Variants in GIPC2 observed in about 807,000 individuals in gnomAD.
GIPC2 encodes GIPC PDZ domain containing family member 2, also known as PDZ domain-containing protein GIPC2.
In GIPC2, 30 loss-of-function variants were observed where a neutral mutation model predicts 30.6. The observed-to-expected ratio is 0.98, with a 90% CI of 0.73 to 1.33. GIPC2 has a LOEUF of 1.33. Among genes scored for constraint, GIPC2 ranks in the 40% most tolerant of loss-of-function variants. GIPC2 has a pLI of 0.00. For synonymous variants in GIPC2, 167 were observed against 150.0 expected (o/e 1.11, Z -0.83); for missense variants, 414 against 390.3 (o/e 1.06, Z -0.51).
intron 1 of GIPC2, among the ~76,000 whole-genome samples, chr1:78,079,726 C>T (rs1029647150): frequency 6.6e-6 from 1 of 152,162 alleles, no homozygotes; most frequent in African/African-American, 2.4e-5. Context: ...CCGATGATAC[C>T]TTTTCAACCC....
intron 1 of GIPC2, among the ~76,000 whole-genome samples, chr1:78,061,896 C>G (rs1357584841): frequency 6.6e-6 from 1 of 152,220 alleles, no homozygotes; most frequent in African/African-American, 2.4e-5. Context: ...AGATTACAGG[C>G]ATGAGCCACT....
chr1:78,097,897 G>A (rs997989623), intron 3 of GIPC2, among the ~76,000 whole-genome samples: 2 of 152,172 alleles, frequency 1.3e-5, no homozygotes, highest in Non-Finnish European at 2.9e-5. Flanking sequence ...TCCTGGGAGA[G>A]GTGGAGCAAG....
At position 78,136,232 on chromosome 1, in the gene GIPC2, AT is replaced by A. The variant is rs1364296778; in HGVS notation, c.*491del. 1.3e-5 allele frequency: 2 copies of A among 152,010 alleles called. No individual in the cohort carries two copies. The highest frequency in any genetic ancestry group is 2.9e-5 in the Non-Finnish European group (2 of 67,992). 9.4% of individuals were successfully genotyped at this position (152,010 alleles called of 1,614,324 possible). ...TTATGCCCCTTATTGGTCTAGAAGC[AT>A]TGGTTTTTTTTTGATCCTCTGAGTA... On this transcript the variant is annotated 3_prime_UTR_variant, in exon 6 of 6. Coordinates refer to ENST00000370759, the MANE Select transcript of GIPC2 (RefSeq NM_017655.6).
intron 5 of GIPC2, 57 bp from the exon 6 acceptor site, chr1:78,135,535 C>A: frequency 9.6e-7 from 1 of 1,041,072 alleles, no homozygotes; most frequent in Non-Finnish European, 1.4e-6. Flanking sequence ...TGCCATTTTT[C>A]TCAGTCCTTT....
chr1:78,077,594 C>T (rs1343357359), intron 1 of GIPC2, among the ~76,000 whole-genome samples: 1 of 152,162 alleles, frequency 6.6e-6, no homozygotes, highest in Non-Finnish European at 1.5e-5. Flanking sequence ...TACCTTGTTA[C>T]GAGTTTACTT....
At chr1:78,067,843 A>G (rs914783853) in intron 1 of GIPC2, among the ~76,000 whole-genome samples, 16 of 152,176 alleles carry the variant, frequency 1.1e-4, no homozygotes, top group African/African-American at 3.9e-4. Flanking sequence ...AACAAATTTA[A>G]TGTCTATCTC....
chr1:78,070,180 T>C (rs1353226696), intron 1 of GIPC2, among the ~76,000 whole-genome samples: 1 of 152,212 alleles, frequency 6.6e-6, no homozygotes, highest in African/African-American at 2.4e-5. Flanking sequence ...CAAGTTATAT[T>C]TGTATATTTG....
chr1:78,110,156 G>A (rs1662439900), intron 3 of GIPC2, among the ~76,000 whole-genome samples: 1 of 151,540 alleles, frequency 6.6e-6, no homozygotes, highest in Non-Finnish European at 1.5e-5. Flanking sequence ...TGCACGTTGT[G>A]CACATGTAAC....
At chr1:78,123,364 G>A (rs773230798) in intron 4 of GIPC2, among the ~76,000 whole-genome samples, 5 of 151,838 alleles carry the variant, frequency 3.3e-5, no homozygotes, top group African/African-American at 4.8e-5. Flanking sequence ...GAACAATAAT[G>A]GGTTTTGGGG....
chr1:78,108,701 C>A (rs1201984699), intron 3 of GIPC2, among the ~76,000 whole-genome samples: 2 of 152,156 alleles, frequency 1.3e-5, no homozygotes, highest in Non-Finnish European at 2.9e-5. Flanking sequence ...AATTCTGAGA[C>A]ACAAGCTAGA....
chr1:78,091,646 A>G (rs1662042123), intron 2 of GIPC2: 1 of 771,882 alleles, frequency 1.3e-6, no homozygotes, highest in South Asian at 1.3e-5. Context: ...ATACTGGAGA[A>G]TATGGCATAT....
chr1:78,046,445 C>T (rs532208131), intron 1 of GIPC2, 111 bp downstream of exon 1: 19 of 1,010,292 alleles, frequency 1.9e-5, no homozygotes, highest in Non-Finnish European at 2.8e-5. Context: ...GCGCGAAATC[C>T]GATGCCGTGT....
chr1:78,053,250 A>G (rs1661226499), intron 1 of GIPC2, among the ~76,000 whole-genome samples: 1 of 152,238 alleles, frequency 6.6e-6, no homozygotes, highest in African/African-American at 2.4e-5. Flanking sequence ...GCATGTCAAC[A>G]GCAGATAAGA....
intron 1 of GIPC2, among the ~76,000 whole-genome samples, chr1:78,076,546 C>A (rs567003021): frequency 2.8e-4 from 42 of 152,250 alleles, no homozygotes; most frequent in African/African-American, 8.4e-4. Context: ...TGCAGCTCAC[C>A]TTAGGGTTCA....
At chr1:78,126,940 A>C (rs1196214068) in intron 5 of GIPC2, among the ~76,000 whole-genome samples, 1 of 152,184 alleles carries the variant, frequency 6.6e-6, no homozygotes, top group East Asian at 1.9e-4. Flanking sequence ...GTGACCCTGA[A>C]ATACAAGGGT....
At chr1:78,058,061 T>C (rs1209318152) in intron 1 of GIPC2, among the ~76,000 whole-genome samples, 2 of 152,228 alleles carry the variant, frequency 1.3e-5, no homozygotes, top group East Asian at 3.8e-4. Context: ...CCATCATTTA[T>C]ATGGCCACTC....
intron 4 of GIPC2, among the ~76,000 whole-genome samples, chr1:78,121,733 A>C (rs1662688246): frequency 1.3e-5 from 2 of 152,178 alleles, no homozygotes; most frequent in South Asian, 4.1e-4. Flanking sequence ...CAGGGCAGTG[A>C]CTTCTGGGCA....
chr1:78,099,246 CACCTGCTTGGT>C (rs1484161272), intron 3 of GIPC2, among the ~76,000 whole-genome samples: 1 of 151,936 alleles, frequency 6.6e-6, no homozygotes, highest in African/African-American at 2.4e-5. Context: ...ATCACCATAC[CACCTGCTTGGT>C]ACATGCATGA....
upstream of GIPC2, chr1:78,045,821 T>C (rs1661055739): frequency 2.5e-6 from 3 of 1,217,564 alleles, no homozygotes; most frequent in African/African-American, 1.6e-5. Context: ...AGAGCCATTT[T>C]TTACAAGGAG....
Sources: allele counts gnomAD v4.1 joint callset (sites outside exome capture counted in the v4.1 genomes callset), GRCh38; gene constraint gnomAD v4.1.1; transcripts MANE v1.5; gene names NCBI Gene and HGNC (gene_info 2026-07-23, HGNC 2026-07-21).